ARMC8: variants seen among roughly 807,000 people sequenced by gnomAD.
The protein encoded by ARMC8 is armadillo repeat containing 8, also known as armadillo repeat-containing protein 8.
ARMC8 carries 20 observed loss-of-function variants against 99.3 expected under a neutral mutation model. The ratio of observed to expected loss-of-function variants is 0.20; its 90% CI spans 0.14 to 0.29. The LOEUF (loss-of-function observed/expected upper bound fraction) is 0.29. ARMC8 is among the 10% of genes least tolerant of loss of function. The pLI, the probability that ARMC8 is intolerant of heterozygous loss-of-function variation, is 1.00. For missense variants in ARMC8, 569 were observed against 809.5 expected, an observed-to-expected ratio of 0.70 and a Z score of 3.60; for synonymous variants, 263 against 278.3, an observed-to-expected ratio of 0.95 and a Z score of 0.55.
intron 1 of ARMC8, among the ~76,000 whole-genome samples, chr3:138,198,181 A>G (rs1357840090): frequency 1.3e-5 from 2 of 152,070 alleles, no homozygotes; most frequent in Non-Finnish European, 2.9e-5. Flanking sequence ...TTGGGGGCAA[A>G]AGCCAAACAA....
chr3:138,228,884 CT>C (rs1240679337), intron 5 of ARMC8, 33 bp from the exon 6 acceptor site: 1 of 1,309,562 alleles, frequency 7.6e-7, no homozygotes, highest in East Asian at 2.4e-5. Context: ...CTCATGGTGC[CT>C]GAGTTTCTTG....
Position 138,187,544 on chromosome 3 carries a change from G to T in ARMC8, c.-11G>T. 1 of 1,535,744 alleles carries T rather than the reference G, an allele frequency of 6.5e-7. No homozygotes were observed. Among genetic ancestry groups the T allele is most frequent in the Non-Finnish European group, 8.7e-7 (1 of 1,146,634 alleles). On this transcript the variant is annotated 5_prime_UTR_variant, in exon 1 of 22. Coordinates refer to ENST00000469044, the MANE Select transcript of ARMC8 (RefSeq NM_001363941.2). ...GCCGGCGCCTGCAGCAGCCGGGTGGGAAGGCTCAAGATGGCGTGCTTGTTG... is the reference window on the plus strand; with the variant it reads ...GCCGGCGCCTGCAGCAGCCGGGTGGTAAGGCTCAAGATGGCGTGCTTGTTG...
intron 7 of ARMC8, among the ~76,000 whole-genome samples, 194 bp downstream of exon 7, chr3:138,235,308 T>C (rs1402792983): frequency 6.6e-6 from 1 of 152,162 alleles, no homozygotes; most frequent in Non-Finnish European, 1.5e-5. Context: ...CATCTCTTTT[T>C]TAGGATACAG....
intron 6 of ARMC8, among the ~76,000 whole-genome samples, chr3:138,230,107 T>C (rs1350879716): frequency 1.3e-5 from 2 of 152,234 alleles, no homozygotes; most frequent in Non-Finnish European, 2.9e-5. Flanking sequence ...GAAAAAGTTT[T>C]GAAGTTTCTC....
In ARMC8 at chr3:138,237,492, T is replaced by C. The variant is rs370567469; in HGVS notation, c.696T>C (p.Asp232=). ...TTGTTTTATTTCTAGTTTTGGTTGA[T>C]GGAGAATTGTTACCACAGATTTTTG... ...VSMTLVNVLV[D]GELLPQIFVK... is the part of the protein sequence containing the mutation. Residue 232 remains aspartate (D), a synonymous_variant, in exon 9 of 22, where the codon GAT becomes GAC. Coordinates refer to ENST00000469044, the MANE Select transcript of ARMC8 (RefSeq NM_001363941.2). 13 of 1,613,910 alleles carry C rather than the reference T, an allele frequency of 8.1e-6. No individual in the cohort carries two copies. The highest frequency in any genetic ancestry group is 6.7e-5 in the African/African-American group (5 of 75,040).
chr3:138,241,640 T>A (rs1253226564), intron 10 of ARMC8, 143 bp from the exon 11 acceptor site: 1 of 731,538 alleles, frequency 1.4e-6, no homozygotes, highest in Non-Finnish European at 2.2e-6. Context: ...TTTAAAAAAA[T>A]CTTTTATTCT....
At chr3:138,289,741 A>G (rs2050763209) in intron 20 of ARMC8, among the ~76,000 whole-genome samples, 1 of 152,158 alleles carries the variant, frequency 6.6e-6, no homozygotes, top group South Asian at 2.1e-4. Context: ...AAGGTAGCAA[A>G]TACAGGAGAG....
Position 138,235,891 on chromosome 3 carries a change from C to T in ARMC8, c.609+777C>T, listed in dbSNP as rs527989850. Among the ~76,000 whole-genome samples, 17 of 150,540 alleles carry T rather than the reference C, an allele frequency of 1.1e-4. No individual in the cohort carries two copies. The South Asian group carries it at 2.5e-3, about 22-fold the overall frequency. ...CACGATCTTGGCTCACTGCAAGCTC[C>T]GCCTCCCACGTTCACGCCATTCTCG... On this transcript the variant is annotated intron_variant, in intron 7 of 21. Coordinates refer to ENST00000469044, the MANE Select transcript of ARMC8 (RefSeq NM_001363941.2).
chr3:138,232,145 A>T (rs991767843), intron 6 of ARMC8, among the ~76,000 whole-genome samples: 15 of 148,174 alleles, frequency 1.0e-4, no homozygotes, highest in African/African-American at 2.5e-5. Context: ...TAATTTTCAT[A>T]TTTTTTTTTA....
At chr3:138,244,554 A>G (rs1241246151) in intron 11 of ARMC8, among the ~76,000 whole-genome samples, 1 of 152,220 alleles carries the variant, frequency 6.6e-6, no homozygotes, top group Non-Finnish European at 1.5e-5. Flanking sequence ...CTGGGATTAC[A>G]GGCGTGAGCC....
At chr3:138,237,682 T>A in intron 9 of ARMC8, 110 bp downstream of exon 9, 3 of 864,148 alleles carry the variant, frequency 3.5e-6, no homozygotes, top group Non-Finnish European at 5.3e-6. Context: ...TTTGAGATTT[T>A]GAAATTTGAA....
chr3:138,223,538 A>G lies in ARMC8; in HGVS notation c.337+7A>G, dbSNP rs772261960. 43 of 1,614,046 alleles carry G rather than the reference A, an allele frequency of 2.7e-5. No individual in the cohort carries two copies. The highest frequency in any genetic ancestry group is 3.4e-5 in the Non-Finnish European group (40 of 1,180,006). On this transcript the variant is annotated splice_region_variant and intron_variant, in intron 4 of 21. Coordinates refer to ENST00000469044, the MANE Select transcript of ARMC8 (RefSeq NM_001363941.2). Reference sequence around the variant, plus strand: ...ATCCCTGCCTTATTGCAAGGTATGTAGGGAAGCCATTTTTGCTCAATTAAG... The same window carrying G: ...ATCCCTGCCTTATTGCAAGGTATGTGGGGAAGCCATTTTTGCTCAATTAAG...
chr3:138,285,626 T>C (rs2050335326), intron 19 of ARMC8, among the ~76,000 whole-genome samples: 1 of 152,240 alleles, frequency 6.6e-6, no homozygotes, highest in Non-Finnish European at 1.5e-5. Context: ...TACTGCATTT[T>C]GTTCACTTCC....
chr3:138,226,358 T>G (rs2108097516), intron 5 of ARMC8, among the ~76,000 whole-genome samples: 1 of 152,322 alleles, frequency 6.6e-6, no homozygotes, highest in Non-Finnish European at 1.5e-5. Flanking sequence ...GCCTCATAAA[T>G]CTATAGAGTG....
At chr3:138,252,080 C>G (rs1427642391) in intron 12 of ARMC8, among the ~76,000 whole-genome samples, 1 of 152,184 alleles carries the variant, frequency 6.6e-6, no homozygotes, top group Non-Finnish European at 1.5e-5. Flanking sequence ...TGTTGCTATG[C>G]TCTTTCCTAT....
chr3:138,243,537 A>T (rs2046730695), intron 11 of ARMC8, among the ~76,000 whole-genome samples: 1 of 152,230 alleles, frequency 6.6e-6, no homozygotes, highest in African/African-American at 2.4e-5. Context: ...TATCAAAGTG[A>T]GTATTCTGTA....
At chr3:138,208,723 G>GAC in intron 1 of ARMC8, among the ~76,000 whole-genome samples, 1 of 152,008 alleles carries the variant, frequency 6.6e-6, no homozygotes, top group African/African-American at 2.4e-5. Flanking sequence ...ACAAGCAGGG[G>GAC]ACAAAACTTT....
intron 7 of ARMC8, among the ~76,000 whole-genome samples, chr3:138,236,086 G>T (rs771718502): frequency 1.3e-5 from 2 of 152,066 alleles, no homozygotes; most frequent in Non-Finnish European, 2.9e-5. Flanking sequence ...GATTACAGGC[G>T]TGAGCCACCG....
At chr3:138,259,151 G>A (rs956711660) in intron 12 of ARMC8, among the ~76,000 whole-genome samples, 19 of 152,308 alleles carry the variant, frequency 1.2e-4, no homozygotes, top group African/African-American at 2.9e-4. Flanking sequence ...TACTGGGGTC[G>A]TTAAAAGGCA....
Sources: allele counts gnomAD v4.1 joint callset (sites outside exome capture counted in the v4.1 genomes callset), GRCh38; gene constraint gnomAD v4.1.1; transcripts MANE v1.5; gene names NCBI Gene and HGNC (gene_info 2026-07-23, HGNC 2026-07-21).